Variants in MCEE observed in about 807,000 individuals in gnomAD.
MCEE encodes methylmalonyl-CoA epimerase, mitochondrial.
MCEE carries 6 observed loss-of-function variants against 12.9 expected under a neutral mutation model. The observed-to-expected ratio is 0.47, with a 90% CI of 0.26 to 0.92. The LOEUF (loss-of-function observed/expected upper bound fraction) is 0.92. Ranked by LOEUF, MCEE falls within the 40% of genes least tolerant of loss-of-function variation. The pLI is 0.16. For synonymous variants in MCEE, 78 were observed against 77.9 expected, an observed-to-expected ratio of 1.00 and a Z score of -0.01; for missense variants, 214 against 212.1, an observed-to-expected ratio of 1.01 and a Z score of -0.05.
intron 2 of MCEE, among the ~76,000 whole-genome samples, chr2:71,114,932 A>T (rs1288891991): frequency 6.6e-6 from 1 of 152,158 alleles, no homozygotes; most frequent in Non-Finnish European, 1.5e-5. Flanking sequence ...GACTTTTTCC[A>T]TAGTGCCCTT....
chr2:71,125,599 T>A (rs1284988936), intron 1 of MCEE, among the ~76,000 whole-genome samples: 2 of 152,084 alleles, frequency 1.3e-5, no homozygotes, highest in African/African-American at 4.8e-5. Context: ...CACCTCGGTC[T>A]CCCAAAGTGC....
intron 1 of MCEE, among the ~76,000 whole-genome samples, chr2:71,128,984 CA>C (rs11342174): frequency 0.35 from 37,201 of 107,344 alleles, 5,418 homozygotes; most frequent in East Asian, 0.65. Context: ...GACTCTGTCT[CA>C]AAAAAAAAAA....
At chr2:71,122,714 C>T (rs1226676359) in intron 2 of MCEE, among the ~76,000 whole-genome samples, 1 of 152,192 alleles carries the variant, frequency 6.6e-6, no homozygotes, top group African/African-American at 2.4e-5. Flanking sequence ...GTCCCTCCCA[C>T]AACATGTGGG....
intron 1 of MCEE, among the ~76,000 whole-genome samples, chr2:71,126,568 C>CAAAA (rs70959207): frequency 4.2e-4 from 30 of 72,120 alleles, no homozygotes; most frequent in South Asian, 2.0e-3. Flanking sequence ...TACATTTTAC[C>CAAAA]AAAAAAAAAA....
In MCEE at chr2:71,109,754, T is replaced by C. The variant is rs1669566160; in HGVS notation, c.*216A>G. Reference sequence around the variant, plus strand: ...CCCTAAGTAATTAGTAATCAAGATTTTCTTCAAATTCAAATTAACAAATAT... The same window carrying C: ...CCCTAAGTAATTAGTAATCAAGATTCTCTTCAAATTCAAATTAACAAATAT... On this transcript the variant is annotated 3_prime_UTR_variant, in exon 3 of 3. Transcript: ENST00000244217. The C allele has an allele frequency of 3.2e-6, 1 of 312,684 alleles. No individual in the cohort carries two copies. 19.4% of individuals were successfully genotyped at this position (312,684 alleles called of 1,614,324 possible). A position where few individuals can be genotyped will look rare whatever the true frequency, so the allele number is the denominator to read the frequency against.
Position 71,109,803 on chromosome 2 carries a change from A to C in MCEE, c.*167T>G. 2.4e-6 allele frequency: 1 copy of C among 420,176 alleles called. No individual in the cohort carries two copies. Among genetic ancestry groups the C allele is most frequent in the Non-Finnish European group, 4.1e-6 (1 of 243,350 alleles). The allele number at this position is 420,176 out of a possible 1,614,324, so 26.0% of individuals were successfully genotyped here. ...ATGTTTGTTAATCTAAATAATATAC[A>C]TATTTATGTATTTATATATGTATAT... On this transcript the variant is annotated 3_prime_UTR_variant, in exon 3 of 3. Coordinates refer to ENST00000244217, the MANE Select transcript of MCEE (RefSeq NM_032601.4).
chr2:71,110,280 T>G (rs1672861609), intron 2 of MCEE, among the ~76,000 whole-genome samples, 158 bp from the exon 3 acceptor site: 1 of 152,162 alleles, frequency 6.6e-6, no homozygotes, highest in Non-Finnish European at 1.5e-5. Flanking sequence ...AAGCTTAAAA[T>G]TTTCAGAGAA....
intron 2 of MCEE, among the ~76,000 whole-genome samples, chr2:71,115,208 T>C (rs142598631): frequency 3.3e-4 from 50 of 152,180 alleles, no homozygotes; most frequent in Middle Eastern, 3.4e-3. Flanking sequence ...CTGGGAAACA[T>C]AGTGAAGCCC....
In MCEE at chr2:71,109,815, TTATA is replaced by T. The variant is rs1329153283; in HGVS notation, c.*151_*154del. 9.6e-6 allele frequency: 5 copies of T among 523,048 alleles called. No homozygotes were observed. The highest frequency in any genetic ancestry group is 1.6e-5 in the Non-Finnish European group (5 of 303,642). 32.4% of individuals were successfully genotyped at this position (523,048 alleles called of 1,614,324 possible). A position where few individuals can be genotyped will look rare whatever the true frequency, so the allele number is the denominator to read the frequency against. ...CTAAATAATATACATATTTATGTAT[TTATA>T]TATGTATATATTTTAATCTTTCTGT... On this transcript the variant is annotated 3_prime_UTR_variant, in exon 3 of 3. Transcript: ENST00000244217.
At chr2:71,116,002 T>C (rs1439641445) in intron 2 of MCEE, among the ~76,000 whole-genome samples, 1 of 150,278 alleles carries the variant, frequency 6.7e-6, no homozygotes. Flanking sequence ...AAAACTGCTT[T>C]TATAGTCCTT....
At chr2:71,125,205 A>ATTTTT (rs1342992417) in intron 1 of MCEE, among the ~76,000 whole-genome samples, 5 of 42,650 alleles carry the variant, frequency 1.2e-4, no homozygotes, top group African/African-American at 3.1e-4. Context: ...ATATATATAT[A>ATTTTT]TATATATTTT....
chr2:71,117,349 C>T lies in MCEE; in HGVS notation c.378+6857G>A, dbSNP rs1426625953. The stretch of plus-strand genomic sequence containing the variant: ...TCTAGTGGGGGCTATGTGGAGTATC[C>T]ATCAAATGCTTGTCTCTGCTGAAAT... On this transcript the variant is annotated intron_variant, in intron 2 of 2. Coordinates refer to ENST00000244217, the MANE Select transcript of MCEE (RefSeq NM_032601.4). Among the ~76,000 whole-genome samples, 3 of 150,450 alleles carry T rather than the reference C, an allele frequency of 2.0e-5. 1 individual carries two copies. Among genetic ancestry groups the T allele is most frequent in the Admixed American group, 1.3e-4 (2 of 15,216 alleles).
In MCEE at chr2:71,110,201, C is replaced by CT; in HGVS notation, c.379-80dup. The CT allele has an allele frequency of 2.4e-6, 3 of 1,266,746 alleles. No homozygotes were observed. In the East Asian group the frequency reaches 7.1e-5, roughly 30 times the overall value. 78.5% of individuals were successfully genotyped at this position (1,266,746 alleles called of 1,614,324 possible). The stretch of plus-strand genomic sequence containing the variant: ...ATAGTATCATAAGACTTAGAAAAAA[C>CT]TTTGAGAGCTCATGCAGTCTATCTC... On this transcript the variant is annotated intron_variant, in intron 2 of 2. Transcript: ENST00000244217.
At chr2:71,128,098 A>ATT (rs11426874) in intron 1 of MCEE, among the ~76,000 whole-genome samples, 1 of 151,790 alleles carries the variant, frequency 6.6e-6, no homozygotes, top group Non-Finnish European at 1.5e-5. Flanking sequence ...ACTATGATCA[A>ATT]TTTTTTTTAT....
At chr2:71,119,134 G>A (rs1262183880) in intron 2 of MCEE, among the ~76,000 whole-genome samples, 2 of 150,182 alleles carry the variant, frequency 1.3e-5, no homozygotes, top group African/African-American at 5.0e-5. Context: ...TTCCTTTTTT[G>A]TTTTTGGTAA....
chr2:71,124,625 A>C, intron 1 of MCEE, 82 bp from the exon 2 acceptor site: 12 of 1,014,656 alleles, frequency 1.2e-5, no homozygotes, highest in Middle Eastern at 2.1e-4. Context: ...TAAACAAATA[A>C]TGCATGCAAA....
intron 2 of MCEE, among the ~76,000 whole-genome samples, chr2:71,115,829 G>T (rs367572695): frequency 8.0e-5 from 12 of 149,218 alleles, no homozygotes; most frequent in African/African-American, 1.5e-4. Flanking sequence ...TGGGGGAAAG[G>T]GGGGGATAAC....
chr2:71,120,462 C>T (rs568798822), intron 2 of MCEE, among the ~76,000 whole-genome samples: 1 of 150,474 alleles, frequency 6.6e-6, no homozygotes, highest in Admixed American at 6.6e-5. Flanking sequence ...TAAAATTCCT[C>T]TAGTGAGAGG....
chr2:71,111,413 T>G (rs138396382), intron 2 of MCEE, among the ~76,000 whole-genome samples: 8 of 152,280 alleles, frequency 5.3e-5, no homozygotes, highest in Non-Finnish European at 8.8e-5. Context: ...TTTCTTCTGC[T>G]GCGTTAGGTG....
Sources: allele counts gnomAD v4.1 joint callset (sites outside exome capture counted in the v4.1 genomes callset), GRCh38; gene constraint gnomAD v4.1.1; transcripts MANE v1.5; gene names NCBI Gene and HGNC (gene_info 2026-07-23, HGNC 2026-07-21).